The following CEP120 variants were observed in gnomAD, a reference collection of about 807,000 sequenced individuals.
CEP120 encodes the protein centrosomal protein of 120 kDa.
In CEP120, 113 loss-of-function variants were observed where a neutral mutation model predicts 126.5. The ratio of observed to expected loss-of-function variants is 0.89; its 90% CI spans 0.77 to 1.04. The LOEUF is 1.04. Ranked by LOEUF, CEP120 falls within the 50% of genes least tolerant of loss-of-function variation. CEP120 has a pLI of 0.00. For missense variants in CEP120, 1,230 were observed against 1,155.7 expected (o/e 1.06, Z -0.93); for synonymous variants, 400 against 394.3 (o/e 1.01, Z -0.17).
At chr5:123,413,294 T>A (rs1432739546) in intron 3 of CEP120, among the ~76,000 whole-genome samples, 2 of 150,762 alleles carry the variant, frequency 1.3e-5, no homozygotes, top group African/African-American at 2.4e-5. Flanking sequence ...ATAATAATAA[T>A]AAATAAATAA....
chr5:123,366,969 G>C (rs1770510217), intron 17 of CEP120, among the ~76,000 whole-genome samples: 1 of 151,492 alleles, frequency 6.6e-6, no homozygotes, highest in African/African-American at 2.4e-5. Flanking sequence ...TTTTTCCTCT[G>C]CTTACCTAAA....
intron 8 of CEP120, 93 bp downstream of exon 8, chr5:123,389,831 C>T: frequency 1.7e-6 from 2 of 1,149,476 alleles, no homozygotes; most frequent in Admixed American, 2.0e-5. Flanking sequence ...ACAATTTTTA[C>T]TTATAACTCA....
chr5:123,372,611 A>C, intron 17 of CEP120, 39 bp downstream of exon 17: 1 of 1,575,428 alleles, frequency 6.3e-7, no homozygotes, highest in Non-Finnish European at 8.7e-7. Flanking sequence ...TAAATTAATC[A>C]CTGGGACTAG....
intron 4 of CEP120, among the ~76,000 whole-genome samples, chr5:123,402,639 C>T (rs1433023063): frequency 6.6e-6 from 1 of 152,202 alleles, no homozygotes; most frequent in African/African-American, 2.4e-5. Flanking sequence ...TCTCAAACTC[C>T]TGGCCTCAAG....
chr5:123,366,076 C>G (rs1455625189), intron 17 of CEP120, among the ~76,000 whole-genome samples: 3 of 151,692 alleles, frequency 2.0e-5, no homozygotes. Context: ...ATTCTTAATA[C>G]AATCCTGTAG....
intron 16 of CEP120, among the ~76,000 whole-genome samples, chr5:123,374,660 G>A (rs1402313798): frequency 1.3e-5 from 2 of 151,990 alleles, no homozygotes; most frequent in South Asian, 2.1e-4. Flanking sequence ...TAATAATTAG[G>A]ATTTATCTAG....
rs1473687831 is a variant in CEP120 at position 123,346,263 on chromosome 5, T to A, written c.*256A>T. 5.7e-6 allele frequency: 2 copies of A among 353,146 alleles called. No individual in the cohort carries two copies. The highest frequency in any genetic ancestry group is 4.2e-5 in the African/African-American group (2 of 47,062). 21.9% of individuals were successfully genotyped at this position (353,146 alleles called of 1,614,324 possible). ...AGCTGTTTTGAAAGTTAGTTAGCCA[T>A]CAGATTATAAACTATGAAAAACACT... On this transcript the variant is annotated 3_prime_UTR_variant, in exon 20 of 20. Coordinates refer to ENST00000306467, the MANE Select transcript of CEP120 (RefSeq NM_001375405.1).
intron 9 of CEP120, 103 bp from the exon 10 acceptor site, chr5:123,386,770 G>A: frequency 1.1e-6 from 1 of 875,622 alleles, no homozygotes; most frequent in Non-Finnish European, 1.6e-6. Flanking sequence ...AATATTATGA[G>A]CAAATACAAC....
At chr5:123,416,758 T>C (rs1173458357) in intron 2 of CEP120, among the ~76,000 whole-genome samples, 1 of 152,130 alleles carries the variant, frequency 6.6e-6, no homozygotes, top group Non-Finnish European at 1.5e-5. Context: ...TTTCTGAAAG[T>C]AAAAAATTAT....
intron 18 of CEP120, among the ~76,000 whole-genome samples, chr5:123,351,814 TGTG>T (rs1769216396): frequency 6.6e-6 from 1 of 151,520 alleles, no homozygotes; most frequent in African/African-American, 2.4e-5. Flanking sequence ...TTTTTCCACT[TGTG>T]GTGTCCTGTC....
intron 18 of CEP120, among the ~76,000 whole-genome samples, chr5:123,359,920 A>C (rs934389760): frequency 1.3e-5 from 2 of 152,014 alleles, no homozygotes; most frequent in African/African-American, 4.8e-5. Flanking sequence ...TCTTATTTCC[A>C]AGCTTTACCA....
chr5:123,415,375 A>G (rs1312579937), intron 3 of CEP120, among the ~76,000 whole-genome samples: 1 of 152,348 alleles, frequency 6.6e-6, no homozygotes, highest in South Asian at 2.1e-4. Context: ...GGGAATGCTG[A>G]CAATTCACTG....
At chr5:123,414,350 T>TG (rs1198244439) in intron 3 of CEP120, among the ~76,000 whole-genome samples, 1 of 152,146 alleles carries the variant, frequency 6.6e-6, no homozygotes, top group Non-Finnish European at 1.5e-5. Context: ...GTACCAAGGA[T>TG]GGGGGGAAAA....
intron 14 of CEP120, among the ~76,000 whole-genome samples, chr5:123,379,931 T>A (rs1213966085): frequency 1.3e-5 from 2 of 152,106 alleles, no homozygotes; most frequent in Non-Finnish European, 2.9e-5. Context: ...GTAGAACTGA[T>A]GTCTTCCTTC....
intron 4 of CEP120, chr5:123,402,249 T>G: frequency 2.7e-6 from 4 of 1,498,620 alleles, no homozygotes; most frequent in Non-Finnish European, 3.7e-6. Context: ...GGAGCTGATG[T>G]GGGCACCGGG....
In CEP120 at chr5:123,346,348, G is replaced by C; in HGVS notation, c.*171C>G. 1 of 492,892 alleles carries C rather than the reference G, an allele frequency of 2.0e-6. No homozygotes were observed. The highest frequency in any genetic ancestry group is 3.5e-6 in the Non-Finnish European group (1 of 283,200). 30.5% of individuals were successfully genotyped at this position (492,892 alleles called of 1,614,324 possible). ...TTACAAATAAAACCAGTGTGGGAGA[G>C]GTAGCATAAAGTAAATAAGATCAAA... is the stretch of plus-strand genomic sequence containing the variant. On this transcript the variant is annotated 3_prime_UTR_variant, in exon 20 of 20. Transcript: ENST00000306467.
At chr5:123,422,045 C>T (rs1455664629) in intron 1 of CEP120, among the ~76,000 whole-genome samples, 3 of 152,192 alleles carry the variant, frequency 2.0e-5, no homozygotes, top group Admixed American at 1.3e-4. Flanking sequence ...CTCAATTCAC[C>T]TGTTATCTCC....
Position 123,423,392 on chromosome 5 carries a change from T to C in CEP120, c.-394A>G, listed in dbSNP as rs564313403. On this transcript the variant is annotated 5_prime_UTR_variant, in exon 1 of 20. Transcript: ENST00000306467. ...CCGCAGGCCCAGTGCCCAGGGGAGG[T>C]TGGAGGACAACGGGTGATAGAGACA... 1.1e-5 allele frequency: 3 copies of C among 266,894 alleles called. No homozygotes were observed. The highest frequency in any genetic ancestry group is 2.0e-4 in the East Asian group (2 of 10,216). The allele number at this position is 266,894 out of a possible 1,614,324, so 16.5% of individuals were successfully genotyped here. A position where few individuals can be genotyped will look rare whatever the true frequency, so the allele number is the denominator to read the frequency against.
intron 8 of CEP120, among the ~76,000 whole-genome samples, chr5:123,389,080 G>A (rs1772216022): frequency 6.6e-6 from 1 of 152,184 alleles, no homozygotes; most frequent in African/African-American, 2.4e-5. Context: ...GAGATACTTA[G>A]TGAGTGGCCG....
Sources: gnomAD v4.1 joint callset for allele counts (sites outside exome capture counted in the v4.1 genomes callset) on GRCh38, gnomAD v4.1.1 for gene constraint, MANE v1.5 for transcripts, NCBI Gene and HGNC (gene_info 2026-07-23, HGNC 2026-07-21) for gene names.